Variants in SCAPER observed in about 807,000 individuals in gnomAD.
SCAPER encodes S phase cyclin A-associated protein in the endoplasmic reticulum.
A neutral mutation model predicts 182.2 loss-of-function variants in SCAPER; 98 were observed. That is an observed-to-expected ratio of 0.54 (90% CI 0.46 to 0.64). SCAPER has a LOEUF of 0.64. SCAPER is among the 30% of genes least tolerant of loss of function. The probability of loss-of-function intolerance (pLI) is 0.00; values close to 1 mark genes in which losing one functional copy is unlikely to be tolerated. For synonymous variants in SCAPER, 605 were observed against 564.6 expected (o/e 1.07, Z -1.01); for missense variants, 1,432 against 1,690.0 (o/e 0.85, Z 2.68).
At chr15:76,444,837 G>C (rs1394348649) in intron 25 of SCAPER, among the ~76,000 whole-genome samples, 1 of 151,936 alleles carries the variant, frequency 6.6e-6, no homozygotes, top group East Asian at 1.9e-4. Context: ...CTTCAGATTG[G>C]GTAATTTTGA....
chr15:76,686,158 T>C (rs1210205637), intron 20 of SCAPER, among the ~76,000 whole-genome samples: 1 of 151,922 alleles, frequency 6.6e-6, no homozygotes, highest in African/African-American at 2.4e-5. Context: ...ATTTCCAATA[T>C]ACATAACTAA....
chr15:76,573,199 C>T (rs992901260), intron 23 of SCAPER, among the ~76,000 whole-genome samples: 2 of 152,046 alleles, frequency 1.3e-5, no homozygotes, highest in African/African-American at 4.8e-5. Context: ...AACAATGATA[C>T]ACCTTTAATT....
rs1036692127 is a variant in SCAPER, at chr15:76,548,470, T to C, written c.2838+25688A>G. ...GAGAATGCTATAAATAGAATGATGT[T>C]TTGTTTCCCAAGTTGATATAGTAGA... On this transcript the variant is annotated intron_variant, in intron 23 of 31. Coordinates refer to ENST00000563290, the MANE Select transcript of SCAPER (RefSeq NM_020843.4). Among the ~76,000 whole-genome samples, 19 of 152,332 alleles carry C rather than the reference T, an allele frequency of 1.2e-4. 1 individual carries two copies. Among genetic ancestry groups the C allele is most frequent in the African/African-American group, 4.1e-4 (17 of 41,582 alleles).
At chr15:76,635,427 G>A (rs2053507911) in intron 21 of SCAPER, among the ~76,000 whole-genome samples, 1 of 152,160 alleles carries the variant, frequency 6.6e-6, no homozygotes, top group Non-Finnish European at 1.5e-5. Flanking sequence ...CCCTGGCCAG[G>A]AATTGATTTT....
At chr15:76,392,143 T>C (rs948726811) in intron 27 of SCAPER, among the ~76,000 whole-genome samples, 1 of 152,210 alleles carries the variant, frequency 6.6e-6, no homozygotes, top group African/African-American at 2.4e-5. Context: ...ATGTCTATCA[T>C]GGCCTTGTTA....
At chr15:76,735,139 A>G (rs377454331) in intron 15 of SCAPER, among the ~76,000 whole-genome samples, 24 of 152,176 alleles carry the variant, frequency 1.6e-4, no homozygotes, top group East Asian at 1.5e-3. Context: ...TGAGCCCAGG[A>G]GTTCAAGATC....
intron 22 of SCAPER, among the ~76,000 whole-genome samples, chr15:76,620,761 C>A (rs555884902): frequency 9.5e-4 from 144 of 152,016 alleles, no homozygotes; most frequent in Middle Eastern, 6.8e-3. Context: ...GAACAGAAAA[C>A]CAAACACCGC....
At chr15:76,642,760 A>G (rs1400823101) in intron 21 of SCAPER, among the ~76,000 whole-genome samples, 1 of 152,076 alleles carries the variant, frequency 6.6e-6, no homozygotes, top group African/African-American at 2.4e-5. Flanking sequence ...TCAACTTTAC[A>G]TTCTTTGACA....
At chr15:76,885,964 A>AT (rs1294774821) in intron 1 of SCAPER, among the ~76,000 whole-genome samples, 1 of 152,240 alleles carries the variant, frequency 6.6e-6, no homozygotes, top group Non-Finnish European at 1.5e-5. Context: ...CAATAAACAT[A>AT]TAAGTGCAGG....
chr15:76,823,368 G>A (rs2067733913), intron 5 of SCAPER, among the ~76,000 whole-genome samples: 1 of 152,060 alleles, frequency 6.6e-6, no homozygotes, highest in African/African-American at 2.4e-5. Flanking sequence ...GCTAAGGCAT[G>A]ATTATTGCTT....
At chr15:76,501,435 C>T (rs2041112051) in intron 24 of SCAPER, among the ~76,000 whole-genome samples, 1 of 150,718 alleles carries the variant, frequency 6.6e-6, no homozygotes, top group African/African-American at 2.4e-5. Context: ...CAACTACTGA[C>T]GTACTATGTG....
intron 5 of SCAPER, among the ~76,000 whole-genome samples, chr15:76,834,099 C>T (rs776002526): frequency 4.1e-4 from 63 of 152,178 alleles, no homozygotes; most frequent in Middle Eastern, 3.2e-3. Flanking sequence ...GAACCACACA[C>T]TCAGCCATAA....
intron 20 of SCAPER, among the ~76,000 whole-genome samples, chr15:76,677,869 G>C (rs541684487): frequency 3.3e-5 from 5 of 151,406 alleles, no homozygotes; most frequent in Non-Finnish European, 7.4e-5. Flanking sequence ...GAGACATGGG[G>C]AAAAAAACTG....
At chr15:76,693,865 G>C (rs931004119) in intron 20 of SCAPER, among the ~76,000 whole-genome samples, 2 of 149,628 alleles carry the variant, frequency 1.3e-5, no homozygotes, top group African/African-American at 4.8e-5. Flanking sequence ...AATAGGCACA[G>C]AGTTTCAGAT....
Position 76,610,630 on chromosome 15 carries a change from T to C in SCAPER, c.2711+11134A>G, listed in dbSNP as rs1396593189. ...TACAAAAGTCACTAAGATTTCTATG[T>C]ATAAACAACAAACTATCTAAAAGGG... On this transcript the variant is annotated intron_variant, in intron 22 of 31. Transcript: ENST00000563290. Among the ~76,000 whole-genome samples the C allele has an allele frequency of 2.6e-5, 4 of 152,264 alleles. No homozygotes were observed. The East Asian group carries it at 7.7e-4, about 29-fold the overall frequency.
intron 22 of SCAPER, among the ~76,000 whole-genome samples, chr15:76,580,173 C>A (rs1371526524): frequency 2.6e-5 from 4 of 152,076 alleles, no homozygotes; most frequent in Non-Finnish European, 4.4e-5. Context: ...ACTAAATGAA[C>A]CTACTAGATA....
At chr15:76,769,380 T>A (rs1432047901) in intron 10 of SCAPER, among the ~76,000 whole-genome samples, 1 of 146,534 alleles carries the variant, frequency 6.8e-6, no homozygotes, top group Non-Finnish European at 1.5e-5. Context: ...GAGGTGGAGC[T>A]TGCAGTGAGC....
intron 20 of SCAPER, among the ~76,000 whole-genome samples, chr15:76,668,061 T>G (rs1642450125): frequency 6.6e-6 from 1 of 152,212 alleles, no homozygotes; most frequent in African/African-American, 2.4e-5. Flanking sequence ...AAAACTCTTA[T>G]GTTCTTTATA....
At chr15:76,399,936 C>CA (rs1024433757) in intron 27 of SCAPER, among the ~76,000 whole-genome samples, 54 of 147,836 alleles carry the variant, frequency 3.7e-4, no homozygotes, top group African/African-American at 1.3e-3. Flanking sequence ...ACCCAGGAAG[C>CA]AGAGGTTACA....
Sources: gnomAD v4.1 joint callset for allele counts (sites outside exome capture counted in the v4.1 genomes callset) on GRCh38, gnomAD v4.1.1 for gene constraint, MANE v1.5 for transcripts, NCBI Gene and HGNC (gene_info 2026-07-23, HGNC 2026-07-21) for gene names.